WWOX: variants seen among roughly 807,000 people sequenced by gnomAD.
WWOX encodes WW domain-containing oxidoreductase.
Under a neutral mutation model 46.2 loss-of-function variants are expected in WWOX, and 69 were observed. The ratio of observed to expected loss-of-function variants is 1.49; its 90% CI spans 1.23 to 1.82. WWOX has a LOEUF of 1.82. Ranked by LOEUF, WWOX falls within the 40% of genes most tolerant of loss-of-function variation. The pLI is 0.00. For synonymous variants in WWOX, 359 were observed against 202.6 expected, an observed-to-expected ratio of 1.77 and a Z score of -6.56; for missense variants, 919 against 542.6, an observed-to-expected ratio of 1.69 and a Z score of -6.89.
chr16:78,966,509 G>C (rs767710219), intron 8 of WWOX, among the ~76,000 whole-genome samples: 1 of 151,408 alleles, frequency 6.6e-6, no homozygotes, highest in Non-Finnish European at 1.5e-5. Flanking sequence ...GGCTATGACT[G>C]TAGTTTTTTT....
intron 8 of WWOX, among the ~76,000 whole-genome samples, chr16:79,153,518 C>A (rs534649754): frequency 1.6e-4 from 24 of 152,282 alleles, no homozygotes; most frequent in African/African-American, 5.8e-4. Flanking sequence ...CAGCCCACGG[C>A]AATGCACTTG....
At chr16:78,830,358 A>G (rs1597686687) in intron 8 of WWOX, among the ~76,000 whole-genome samples, 2 of 152,122 alleles carry the variant, frequency 1.3e-5, no homozygotes, top group South Asian at 4.1e-4. Context: ...CATAATGCCT[A>G]CCTGCTCTTG....
At chr16:79,039,350 C>T (rs2047927982) in intron 8 of WWOX, among the ~76,000 whole-genome samples, 1 of 152,062 alleles carries the variant, frequency 6.6e-6, no homozygotes, top group Admixed American at 6.6e-5. Context: ...AAGGGAGTTT[C>T]ATTGAGGACT....
chr16:78,306,975 C>T (rs2080146474), intron 5 of WWOX, among the ~76,000 whole-genome samples: 1 of 152,180 alleles, frequency 6.6e-6, no homozygotes, highest in South Asian at 2.1e-4. Flanking sequence ...CCATTTCCAA[C>T]CTTCTGGGTT....
At chr16:78,399,671 G>A (rs768636377) in intron 6 of WWOX, among the ~76,000 whole-genome samples, 1 of 152,134 alleles carries the variant, frequency 6.6e-6, no homozygotes, top group Non-Finnish European at 1.5e-5. Flanking sequence ...ATAAGACTTG[G>A]AAAAAGGGTT....
At chr16:79,155,400 G>C (rs2050362093) in intron 8 of WWOX, among the ~76,000 whole-genome samples, 1 of 151,990 alleles carries the variant, frequency 6.6e-6, no homozygotes, top group South Asian at 2.1e-4. Context: ...AAAGGTGGGG[G>C]GGTGGGCAGA....
rs116419918 is a variant in WWOX at position 78,154,066 on chromosome 16, C to T, written c.410-10117C>T. 8.9e-3 allele frequency among the ~76,000 whole-genome samples: 1,358 copies of T among 152,274 alleles called. 20 individuals carry two copies. The highest frequency in any genetic ancestry group is 0.03 in the African/African-American group (1,240 of 41,558). ...CTCCGATGCTCTCCACCACCATGCC[C>T]AAGCCATTTCTCCCTTTGTGTTCCC... is the stretch of plus-strand genomic sequence containing the variant. On this transcript the variant is annotated intron_variant, in intron 4 of 8. Coordinates refer to ENST00000566780, the MANE Select transcript of WWOX (RefSeq NM_016373.4).
At chr16:78,480,354 C>T (rs1248712035) in intron 8 of WWOX, among the ~76,000 whole-genome samples, 1 of 152,228 alleles carries the variant, frequency 6.6e-6, no homozygotes, top group Non-Finnish European at 1.5e-5. Context: ...CGAGAGGAAA[C>T]ATTATAACTT....
intron 8 of WWOX, chr16:78,535,651 G>T (rs1214397263): frequency 6.6e-6 from 1 of 152,224 alleles, no homozygotes; most frequent in Non-Finnish European, 1.5e-5. Context: ...AATAAAGGAA[G>T]TTTAAACAAT....
chr16:78,706,515 T>G (rs1394505726), intron 8 of WWOX, among the ~76,000 whole-genome samples: 2 of 152,198 alleles, frequency 1.3e-5, no homozygotes, highest in Non-Finnish European at 2.9e-5. Flanking sequence ...TCATTTCCCT[T>G]TATATTCTTT....
chr16:78,756,683 C>A (rs2049656585), intron 8 of WWOX, among the ~76,000 whole-genome samples: 1 of 152,226 alleles, frequency 6.6e-6, no homozygotes, highest in African/African-American at 2.4e-5. Flanking sequence ...ATTCATTCTT[C>A]CGTTAAACTA....
chr16:78,939,012 G>A (rs889495272), intron 8 of WWOX, among the ~76,000 whole-genome samples: 2 of 152,182 alleles, frequency 1.3e-5, no homozygotes, highest in Non-Finnish European at 2.9e-5. Flanking sequence ...GGATGGAAAG[G>A]TTTTGTGGCC....
chr16:78,547,144 A>C (rs1351983472), intron 8 of WWOX, among the ~76,000 whole-genome samples: 3 of 146,124 alleles, frequency 2.1e-5, no homozygotes, highest in African/African-American at 7.5e-5. Flanking sequence ...AAAAAAAAAA[A>C]AAAAAAAAAA....
At chr16:79,076,302 G>A (rs765019710) in intron 8 of WWOX, among the ~76,000 whole-genome samples, 77 of 152,176 alleles carry the variant, frequency 5.1e-4, no homozygotes, top group Admixed American at 7.2e-4. Context: ...CTAGTATCTG[G>A]ATGACTTGAT....
At chr16:78,878,203 G>A (rs1420239755) in intron 8 of WWOX, among the ~76,000 whole-genome samples, 1 of 152,172 alleles carries the variant, frequency 6.6e-6, no homozygotes, top group African/African-American at 2.4e-5. Context: ...ACCATGGATG[G>A]AAATCCTGAG....
intron 8 of WWOX, among the ~76,000 whole-genome samples, chr16:78,947,604 G>A (rs754244669): frequency 2.6e-5 from 4 of 152,210 alleles, no homozygotes; most frequent in Non-Finnish European, 4.4e-5. Context: ...AGGGGTGTCT[G>A]TCCACGCCAC....
intron 8 of WWOX, among the ~76,000 whole-genome samples, chr16:78,600,926 C>T (rs2045607608): frequency 1.3e-5 from 2 of 152,134 alleles, no homozygotes; most frequent in Admixed American, 1.3e-4. Flanking sequence ...CTCTGCAGGG[C>T]ATCTGTAGCT....
intron 8 of WWOX, among the ~76,000 whole-genome samples, chr16:79,000,090 C>T (rs1312567788): frequency 3.3e-5 from 5 of 152,148 alleles, no homozygotes; most frequent in Admixed American, 1.3e-4. Context: ...CAGGATCCTT[C>T]ATGTGTCTGA....
chr16:78,309,408 A>C (rs1326914758), intron 5 of WWOX, among the ~76,000 whole-genome samples: 6 of 152,184 alleles, frequency 3.9e-5, no homozygotes. Flanking sequence ...TAAATTACCC[A>C]GTTTCAGGCA....
Sources: allele counts gnomAD v4.1 joint callset (sites outside exome capture counted in the v4.1 genomes callset), GRCh38; gene constraint gnomAD v4.1.1; transcripts MANE v1.5; gene names NCBI Gene and HGNC (gene_info 2026-07-23, HGNC 2026-07-21).